The following OXR1 variants were observed in gnomAD, a reference collection of about 807,000 sequenced individuals.
The protein encoded by OXR1 is oxidation resistance protein 1.
In OXR1, 41 loss-of-function variants were observed where a neutral mutation model predicts 104.6. That is an observed-to-expected ratio of 0.39 (90% CI 0.31 to 0.51). The LOEUF (loss-of-function observed/expected upper bound fraction) is 0.51, where lower values mean the gene tolerates loss of function less well. Ranked by LOEUF, OXR1 falls within the 20% of genes least tolerant of loss-of-function variation. The pLI is 0.77. For missense variants in OXR1, 955 were observed against 1,031.9 expected (o/e 0.93, Z 1.02); for synonymous variants, 348 against 348.4 (o/e 1.00, Z 0.01).
At chr8:106,543,425 A>T (rs188908806) in intron 3 of OXR1, among the ~76,000 whole-genome samples, 1 of 152,288 alleles carries the variant, frequency 6.6e-6, no homozygotes, top group Admixed American at 6.5e-5. Flanking sequence ...AAATTGTGTC[A>T]TTCTTAACCA....
intron 2 of OXR1, among the ~76,000 whole-genome samples, chr8:106,378,393 C>T (rs181640588): frequency 7.3e-4 from 111 of 152,220 alleles, no homozygotes; most frequent in African/African-American, 2.6e-3. Flanking sequence ...CAGTGATGCC[C>T]GAGTGACTGT....
At chr8:106,329,718 C>T (rs542149731) in intron 1 of OXR1, among the ~76,000 whole-genome samples, 2 of 152,292 alleles carry the variant, frequency 1.3e-5, no homozygotes, top group African/African-American at 4.8e-5. Context: ...TGCCTAGGCT[C>T]TGGCGAGTGG....
At chr8:106,739,827 G>T (rs1261252761) in intron 13 of OXR1, among the ~76,000 whole-genome samples, 1 of 143,018 alleles carries the variant, frequency 7.0e-6, no homozygotes, top group Non-Finnish European at 1.5e-5. Flanking sequence ...GCTTTATGTG[G>T]ATTATTTCAT....
intron 6 of OXR1, 148 bp downstream of exon 6, chr8:106,684,507 T>A: frequency 1.7e-6 from 1 of 578,950 alleles, no homozygotes; most frequent in Non-Finnish European, 3.1e-6. Flanking sequence ...ATCCCAGCTT[T>A]AAAAATAAGA....
chr8:106,552,884 C>T (rs896938905), intron 3 of OXR1, among the ~76,000 whole-genome samples: 1 of 152,146 alleles, frequency 6.6e-6, no homozygotes, highest in African/African-American at 2.4e-5. Context: ...TTTCTCTCAG[C>T]CCAAGTGTGG....
chr8:106,685,926 C>T (rs758498290), intron 6 of OXR1, among the ~76,000 whole-genome samples: 5 of 151,944 alleles, frequency 3.3e-5, no homozygotes, highest in African/African-American at 4.8e-5. Flanking sequence ...ATATATATAC[C>T]GTGGAATACT....
intron 6 of OXR1, among the ~76,000 whole-genome samples, chr8:106,689,893 A>G (rs1012607319): frequency 1.1e-4 from 17 of 152,014 alleles, no homozygotes; most frequent in African/African-American, 4.1e-4. Context: ...TTAGTTAGGA[A>G]TATCAAAGTA....
intron 1 of OXR1, among the ~76,000 whole-genome samples, chr8:106,334,222 T>G (rs1262312091): frequency 1.3e-5 from 2 of 152,236 alleles, no homozygotes; most frequent in African/African-American, 2.4e-5. Flanking sequence ...TTGATTGCTA[T>G]TTTAAATGAA....
At chr8:106,459,311 C>A (rs1820779365) in intron 2 of OXR1, among the ~76,000 whole-genome samples, 1 of 152,016 alleles carries the variant, frequency 6.6e-6, no homozygotes, top group Non-Finnish European at 1.5e-5. Context: ...CCCTTCCCTG[C>A]CCTCTCTTAT....
At chr8:106,296,318 A>C (rs1473979610) in intron 1 of OXR1, among the ~76,000 whole-genome samples, 1 of 152,202 alleles carries the variant, frequency 6.6e-6, no homozygotes, top group East Asian at 1.9e-4. Flanking sequence ...AAAAAGAATT[A>C]GTGATCGCCT....
In OXR1 at chr8:106,488,347, C is replaced by A. The variant is rs557814560; in HGVS notation, c.24-30596C>A. 3.0e-5 allele frequency among the ~76,000 whole-genome samples: 4 copies of A among 134,540 alleles called. No individual in the cohort carries two copies. In the East Asian group the frequency reaches 8.6e-4, roughly 29 times the overall value. The allele number at this position is 134,540 out of a possible 152,430, so 88.3% of individuals were successfully genotyped here. A position where few individuals can be genotyped will look rare whatever the true frequency, so the allele number is the denominator to read the frequency against. Reference sequence around the variant, plus strand: ...AGCCCTTTGTCAGATGAGTAGGTTGCGAAAATTTTCTCCCATTTTGTAGGT... The same window carrying A: ...AGCCCTTTGTCAGATGAGTAGGTTGAGAAAATTTTCTCCCATTTTGTAGGT... On this transcript the variant is annotated intron_variant, in intron 2 of 16. Coordinates refer to ENST00000517566, the MANE Select transcript of OXR1 (RefSeq NM_001198533.2).
chr8:106,411,305 A>G (rs1818447434), intron 2 of OXR1, among the ~76,000 whole-genome samples: 1 of 152,178 alleles, frequency 6.6e-6, no homozygotes, highest in Non-Finnish European at 1.5e-5. Context: ...GAGTGGCATG[A>G]CAGATCATGC....
intron 3 of OXR1, among the ~76,000 whole-genome samples, chr8:106,563,493 G>C (rs1012360239): frequency 2.6e-5 from 4 of 152,054 alleles, no homozygotes; most frequent in Non-Finnish European, 5.9e-5. Flanking sequence ...CATAAAGCAA[G>C]TTCTTAGAGA....
At chr8:106,459,226 A>C (rs1397586670) in intron 2 of OXR1, among the ~76,000 whole-genome samples, 9 of 152,104 alleles carry the variant, frequency 5.9e-5, no homozygotes, top group Non-Finnish European at 1.2e-4. Flanking sequence ...CCTCTTATTA[A>C]AGAATTAATG....
intron 1 of OXR1, among the ~76,000 whole-genome samples, chr8:106,302,584 T>C (rs1248373998): frequency 2.9e-5 from 2 of 67,842 alleles, no homozygotes; most frequent in East Asian, 4.4e-4. Context: ...AGATGCTGTC[T>C]CAAAAAAAAA....
At chr8:106,649,566 A>G (rs978080440) in intron 3 of OXR1, among the ~76,000 whole-genome samples, 10 of 151,860 alleles carry the variant, frequency 6.6e-5, no homozygotes, top group African/African-American at 1.9e-4. Flanking sequence ...GAAAAAAAAA[A>G]AAAAGAAAAG....
intron 1 of OXR1, among the ~76,000 whole-genome samples, chr8:106,287,493 C>A (rs2130021339): frequency 6.6e-6 from 1 of 152,212 alleles, no homozygotes; most frequent in Non-Finnish European, 1.5e-5. Flanking sequence ...TTATGAAACA[C>A]CTTGGTTGGC....
At chr8:106,551,755 C>T (rs1231074339) in intron 3 of OXR1, among the ~76,000 whole-genome samples, 1 of 146,696 alleles carries the variant, frequency 6.8e-6, no homozygotes, top group Non-Finnish European at 1.5e-5. Flanking sequence ...TGAAACCAGC[C>T]TAGGCAACAA....
At chr8:106,319,345 G>A (rs975842047) in intron 1 of OXR1, among the ~76,000 whole-genome samples, 3 of 152,182 alleles carry the variant, frequency 2.0e-5, no homozygotes, top group Non-Finnish European at 4.4e-5. Context: ...TGACTAAAGA[G>A]AATCACATTC....
Sources: allele counts gnomAD v4.1 joint callset (sites outside exome capture counted in the v4.1 genomes callset), GRCh38; gene constraint gnomAD v4.1.1; transcripts MANE v1.5; gene names NCBI Gene and HGNC (gene_info 2026-07-23, HGNC 2026-07-21).